KCNIP4: variants seen among roughly 807,000 people sequenced by gnomAD.
The protein encoded by KCNIP4 is potassium voltage-gated channel interacting protein 4, also known as Kv channel-interacting protein 4.
In KCNIP4, 12 loss-of-function variants were observed where a neutral mutation model predicts 34.0. The ratio of observed to expected loss-of-function variants is 0.35; its 90% CI spans 0.23 to 0.57. The LOEUF (loss-of-function observed/expected upper bound fraction) is 0.57. KCNIP4 is among the 20% of genes least tolerant of loss of function. KCNIP4 has a pLI of 0.83. For missense variants in KCNIP4, 238 were observed against 311.7 expected (o/e 0.76, Z 1.78); for synonymous variants, 124 against 102.2 (o/e 1.21, Z -1.29).
intron 2 of KCNIP4, among the ~76,000 whole-genome samples, chr4:20,862,677 A>G (rs898701514): frequency 2.0e-5 from 3 of 152,208 alleles, no homozygotes; most frequent in Non-Finnish European, 4.4e-5. Flanking sequence ...GTGTATGTTC[A>G]TTACAACACT....
At chr4:20,839,123 C>A (rs1286461834) in intron 3 of KCNIP4, among the ~76,000 whole-genome samples, 2 of 152,074 alleles carry the variant, frequency 1.3e-5, no homozygotes, top group African/African-American at 4.8e-5. Flanking sequence ...GGGCTAAGAA[C>A]AAATCTGTGT....
intron 1 of KCNIP4, among the ~76,000 whole-genome samples, chr4:20,912,679 C>G (rs1234828562): frequency 6.6e-6 from 1 of 151,990 alleles, no homozygotes; most frequent in Admixed American, 6.6e-5. Flanking sequence ...ACTGTTACAT[C>G]TCAACAATAA....
At chr4:20,926,325 A>T (rs957649776) in intron 1 of KCNIP4, among the ~76,000 whole-genome samples, 2 of 152,232 alleles carry the variant, frequency 1.3e-5, no homozygotes, top group African/African-American at 2.4e-5. Flanking sequence ...TGAGAGGTGC[A>T]GGAATAGAAT....
chr4:21,191,160 C>A lies in KCNIP4; in HGVS notation c.62-308451G>T, dbSNP rs1008593088. Among the ~76,000 whole-genome samples the A allele has an allele frequency of 2.0e-5, 3 of 152,280 alleles. No individual in the cohort carries two copies. The East Asian group carries it at 5.8e-4, about 29-fold the overall frequency. Reference sequence around the variant, plus strand: ...GCAGTAAGCACAGAGATATTCTCAACAAAGGTAGAATTTGATAGCATGCAC... The same window carrying A: ...GCAGTAAGCACAGAGATATTCTCAAAAAAGGTAGAATTTGATAGCATGCAC... On this transcript the variant is annotated intron_variant, in intron 1 of 8. Transcript: ENST00000382152.
chr4:21,645,680 G>A (rs115219077), intron 1 of KCNIP4, among the ~76,000 whole-genome samples: 2 of 151,986 alleles, frequency 1.3e-5, no homozygotes, highest in African/African-American at 4.8e-5. Context: ...GTCCTTGATC[G>A]CTGAACCAAG....
chr4:20,800,060 G>T (rs944242287), intron 3 of KCNIP4, among the ~76,000 whole-genome samples: 2 of 152,202 alleles, frequency 1.3e-5, no homozygotes, highest in Non-Finnish European at 2.9e-5. Flanking sequence ...TGTGGGGGAA[G>T]ATAAGAACAG....
rs530066386 is a variant in KCNIP4 at position 21,406,024 on chromosome 4, G to A, written c.62-523315C>T. On this transcript the variant is annotated intron_variant, in intron 1 of 8. Coordinates refer to ENST00000382152, the MANE Select transcript of KCNIP4 (RefSeq NM_025221.6). ...CTAATTTTGTATTTTTAGTAGAGAC[G>A]GGGTTTCTCCATGTTGGTCAGGGTG... Among the ~76,000 whole-genome samples, 167 of 152,078 alleles carry A rather than the reference G, an allele frequency of 1.1e-3. 1 individual carries two copies. Among genetic ancestry groups the A allele is most frequent in the Non-Finnish European group, 1.7e-3 (117 of 67,962 alleles).
At chr4:21,057,284 T>C (rs985606823) in intron 1 of KCNIP4, among the ~76,000 whole-genome samples, 2 of 152,202 alleles carry the variant, frequency 1.3e-5, no homozygotes, top group African/African-American at 2.4e-5. Context: ...ATACTGTCCA[T>C]GTAAACTTTT....
chr4:21,041,660 T>C (rs1248146960), intron 1 of KCNIP4, among the ~76,000 whole-genome samples: 1 of 152,182 alleles, frequency 6.6e-6, no homozygotes, highest in Admixed American at 6.5e-5. Flanking sequence ...CTCATCCTAA[T>C]GACATGCAAA....
chr4:21,486,006 T>C (rs1053185400), intron 1 of KCNIP4, among the ~76,000 whole-genome samples: 1 of 152,186 alleles, frequency 6.6e-6, no homozygotes, highest in Non-Finnish European at 1.5e-5. Flanking sequence ...TTTTGCAGCA[T>C]AGGAAGGAAG....
At chr4:21,195,964 G>T (rs1273157568) in intron 1 of KCNIP4, among the ~76,000 whole-genome samples, 1 of 152,038 alleles carries the variant, frequency 6.6e-6, no homozygotes, top group Non-Finnish European at 1.5e-5. Context: ...GACCAGATTT[G>T]GGCAACTCAA....
At chr4:21,648,990 C>T (rs1325166344) in intron 1 of KCNIP4, among the ~76,000 whole-genome samples, 5 of 152,042 alleles carry the variant, frequency 3.3e-5, no homozygotes, top group Admixed American at 1.3e-4. Context: ...TGTTCAGTAT[C>T]GAGTCTATAA....
chr4:21,430,155 AT>A (rs1458704780), intron 1 of KCNIP4, among the ~76,000 whole-genome samples: 2 of 152,066 alleles, frequency 1.3e-5, no homozygotes, highest in Admixed American at 1.3e-4. Context: ...ATCTAGTACA[AT>A]TTATTTCCCT....
At chr4:21,175,807 G>T (rs1350489666) in intron 1 of KCNIP4, among the ~76,000 whole-genome samples, 1 of 152,118 alleles carries the variant, frequency 6.6e-6, no homozygotes, top group East Asian at 1.9e-4. Context: ...TTATGTCTGG[G>T]ATTTTCCTTT....
At chr4:21,107,535 G>T (rs1274482982) in intron 1 of KCNIP4, among the ~76,000 whole-genome samples, 5 of 149,754 alleles carry the variant, frequency 3.3e-5, no homozygotes, top group Non-Finnish European at 5.9e-5. Flanking sequence ...CACACTGATG[G>T]GTCTTGACTC....
At chr4:20,891,390 A>T (rs1725900782) in intron 1 of KCNIP4, among the ~76,000 whole-genome samples, 1 of 152,068 alleles carries the variant, frequency 6.6e-6, no homozygotes, top group Admixed American at 6.6e-5. Flanking sequence ...GCTGATCACG[A>T]GGTTGGTAGA....
At chr4:20,872,972 A>G (rs550668694) in intron 2 of KCNIP4, among the ~76,000 whole-genome samples, 11 of 151,786 alleles carry the variant, frequency 7.2e-5, no homozygotes, top group East Asian at 5.8e-4. Flanking sequence ...CCTTCCCTCT[A>G]TGTTCCTTAT....
chr4:21,308,055 A>G (rs1217645082), intron 1 of KCNIP4, among the ~76,000 whole-genome samples: 2 of 152,232 alleles, frequency 1.3e-5, no homozygotes, highest in Non-Finnish European at 2.9e-5. Flanking sequence ...ACTTAACTAC[A>G]TATGCAACTC....
chr4:20,934,455 C>A (rs75497459), intron 1 of KCNIP4, among the ~76,000 whole-genome samples: 14 of 152,254 alleles, frequency 9.2e-5, no homozygotes, highest in African/African-American at 3.1e-4. Flanking sequence ...TTTATTGACA[C>A]AATACCCTCC....
Sources: allele counts gnomAD v4.1 joint callset (sites outside exome capture counted in the v4.1 genomes callset), GRCh38; gene constraint gnomAD v4.1.1; transcripts MANE v1.5; gene names NCBI Gene and HGNC (gene_info 2026-07-23, HGNC 2026-07-21).